TOP2B: variants seen among roughly 807,000 people sequenced by gnomAD.
The protein encoded by TOP2B is DNA topoisomerase 2-beta.
A neutral mutation model predicts 193.5 loss-of-function variants in TOP2B; 51 were observed. The ratio of observed to expected loss-of-function variants is 0.26; its 90% CI spans 0.21 to 0.33. The LOEUF (loss-of-function observed/expected upper bound fraction) is 0.33. Ranked by LOEUF, TOP2B falls within the 10% of genes least tolerant of loss-of-function variation. The pLI is 1.00. For synonymous variants in TOP2B, 634 were observed against 635.7 expected (o/e 1.00, Z 0.04); for missense variants, 1,378 against 1,909.3 (o/e 0.72, Z 5.19).
Position 25,599,474 on chromosome 3 carries a change from A to G in TOP2B, c.4671T>C (p.Asp1557=). The G allele has an allele frequency of 1.9e-6, 3 of 1,613,648 alleles. No homozygotes were observed. Among genetic ancestry groups the G allele is most frequent in the Non-Finnish European group, 1.7e-6 (2 of 1,179,680 alleles). ...TGGATGTTTTCCTGCCAGGGTTATAATCGCCTTCATTTTCAGAGCCAGATG... is the reference window on the plus strand; with the variant it reads ...TGGATGTTTTCCTGCCAGGGTTATAGTCGCCTTCATTTTCAGAGCCAGATG... ...RKASGSENEG[D]YNPGRKTSKT... Residue 1557 remains aspartate, a synonymous_variant, in exon 35 of 36, where the codon GAT becomes GAC. Transcript: ENST00000264331.
intron 18 of TOP2B, chr3:25,625,026 A>G (rs1702757070): frequency 2.8e-6 from 1 of 352,340 alleles, no homozygotes. Flanking sequence ...TGCCATCTCC[A>G]TCTACTCCAA....
At chr3:25,638,100 A>C (rs1197610917) in intron 5 of TOP2B, 65 bp downstream of exon 5, 1 of 1,391,120 alleles carries the variant, frequency 7.2e-7, no homozygotes. Flanking sequence ...CAATTTCCTT[A>C]GTAAGTTATA....
At chr3:25,639,354 G>A (rs1703194530) in intron 4 of TOP2B, among the ~76,000 whole-genome samples, 1 of 151,002 alleles carries the variant, frequency 6.6e-6, no homozygotes, top group South Asian at 2.1e-4. Context: ...TGTCATCCAG[G>A]CTGGAGTGCA....
intron 5 of TOP2B, 31 bp from the exon 6 acceptor site, chr3:25,637,343 G>A: frequency 6.7e-7 from 1 of 1,488,978 alleles, no homozygotes; most frequent in Non-Finnish European, 9.1e-7. Flanking sequence ...AAAAGGTTTA[G>A]TAAAAATGAT....
intron 2 of TOP2B, 33 bp downstream of exon 2, chr3:25,645,267 C>T (rs1406895157): frequency 2.0e-6 from 3 of 1,477,914 alleles, no homozygotes; most frequent in Non-Finnish European, 2.7e-6. Flanking sequence ...AGATGCACAT[C>T]TCCTAATTTC....
chr3:25,619,796 C>G, intron 23 of TOP2B, 66 bp downstream of exon 23: 1 of 1,221,776 alleles, frequency 8.2e-7, no homozygotes, highest in Non-Finnish European at 1.2e-6. Flanking sequence ...ATCATGAAAC[C>G]AATTATAATA....
At chr3:25,621,990 G>GAA (rs972338183) in intron 21 of TOP2B, among the ~76,000 whole-genome samples, 1 of 132,692 alleles carries the variant, frequency 7.5e-6, no homozygotes, top group African/African-American at 2.8e-5. Flanking sequence ...CTCTGTCTCA[G>GAA]AAAAAAAAAA....
At chr3:25,614,634 T>G (rs1053496560) in intron 27 of TOP2B, among the ~76,000 whole-genome samples, 5 of 151,784 alleles carry the variant, frequency 3.3e-5, no homozygotes, top group Middle Eastern at 3.2e-3. Flanking sequence ...AAAAAAAAAG[T>G]AGTATGAGTA....
At chr3:25,625,341 C>T (rs115130007) in intron 18 of TOP2B, among the ~76,000 whole-genome samples, 75 of 152,270 alleles carry the variant, frequency 4.9e-4, no homozygotes, top group Middle Eastern at 3.4e-3. Flanking sequence ...AAGTCTATGT[C>T]CTCATCCAAG....
chr3:25,607,145 C>A (rs1225074953), intron 31 of TOP2B, 26 bp downstream of exon 31: 1 of 1,610,028 alleles, frequency 6.2e-7, no homozygotes. Flanking sequence ...ATTAACTATA[C>A]CACATCACTA....
chr3:25,638,189 C>T lies in TOP2B; in HGVS notation c.517G>A (p.Asp173Asn), dbSNP rs760612076. ...FGQLLTSSNY[D>N]DDEKKVTGGR... is the part of the protein sequence containing the mutation. ...CCTGTAACTTTTTTCTCATCATCAT[C>T]ATAGTTACTGGATGTTAAAAGCTGT... The change falls in exon 5 of 36, where the codon GAT (aspartate) becomes AAT (asparagine). Residue 173 changes from aspartate (D) to asparagine (N), a missense_variant. Transcript: ENST00000264331. The T allele has an allele frequency of 5.1e-6, 8 of 1,568,270 alleles. No individual in the cohort carries two copies. The Admixed American group carries it at 5.6e-5, about 11-fold the overall frequency.
chr3:25,609,277 A>T lies in TOP2B; in HGVS notation c.3999T>A (p.Asn1333Lys). The change falls in exon 30 of 36, where the codon AAT becomes AAA. Residue 1333 changes from asparagine (N) to lysine (K), a missense_variant. By Grantham distance (94) the Asn-to-Lys change is moderately conservative. Around this residue, in one of 9 missense-constraint regions of TOP2B, gnomAD observed 556 missense variants for 584.2 expected, o/e 0.95. Transcript: ENST00000264331. ...ACTTGGATTCATCATCTGACCAAGG[A>T]TTCCGTTTCTTCACTTTCTTTGCAC... ...KPSAKKVKKR[N>K]PWSDDESKSE... is the part of the protein sequence containing the mutation. 1 of 1,602,606 alleles carries T rather than the reference A, an allele frequency of 6.2e-7. No homozygotes were observed. The highest frequency in any genetic ancestry group is 2.2e-5 in the East Asian group (1 of 44,626).
At chr3:25,637,900 A>T (rs1703148319) in intron 5 of TOP2B, among the ~76,000 whole-genome samples, 1 of 152,018 alleles carries the variant, frequency 6.6e-6, no homozygotes, top group South Asian at 2.1e-4. Context: ...TAGACATCAT[A>T]CCAGTCCTAT....
At chr3:25,628,794 A>G (rs540894423) in intron 15 of TOP2B, 53 bp downstream of exon 15, 4 of 1,102,950 alleles carry the variant, frequency 3.6e-6, no homozygotes, top group East Asian at 2.7e-5. Context: ...GATTGCTTTC[A>G]TAAGAATACA....
intron 19 of TOP2B, 30 bp downstream of exon 19, chr3:25,624,652 T>C (rs1398480910): frequency 1.2e-6 from 2 of 1,609,718 alleles, no homozygotes; most frequent in Non-Finnish European, 1.7e-6. Context: ...ATAATTACAG[T>C]TCTCAATTGA....
chr3:25,630,788 A>T lies in TOP2B; in HGVS notation c.1405+13T>A. On this transcript the variant is annotated intron_variant, in intron 11 of 35. Transcript: ENST00000264331. The stretch of plus-strand genomic sequence containing the variant: ...ACTTAAATCAAAATCTTATTTAAAA[A>T]TATCAATCTTACCAGCATCATTAGC... 1 of 1,523,700 alleles carries T rather than the reference A, an allele frequency of 6.6e-7. No homozygotes were observed. Among genetic ancestry groups the T allele is most frequent in the Non-Finnish European group, 8.7e-7 (1 of 1,143,686 alleles). The allele number at this position is 1,523,700 out of a possible 1,614,324, so 94.4% of individuals were successfully genotyped here. A position where few individuals can be genotyped will look rare whatever the true frequency, so the allele number is the denominator to read the frequency against.
intron 1 of TOP2B, among the ~76,000 whole-genome samples, chr3:25,647,188 T>C (rs1703435399): frequency 6.6e-6 from 1 of 152,226 alleles, no homozygotes; most frequent in African/African-American, 2.4e-5. Context: ...TTGCTTTTTA[T>C]GAAGAAATAG....
chr3:25,618,946 A>G, intron 23 of TOP2B, 97 bp from the exon 24 acceptor site: 1 of 900,990 alleles, frequency 1.1e-6, no homozygotes, highest in Non-Finnish European at 1.6e-6. Flanking sequence ...ATAATATATA[A>G]CCATAATGCA....
In TOP2B at chr3:25,633,903, G is replaced by C. The variant is rs1442518869; in HGVS notation, c.964C>G (p.Leu322Val). 1 of 1,613,168 alleles carries C rather than the reference G, an allele frequency of 6.2e-7. No individual in the cohort carries two copies. The highest frequency in any genetic ancestry group is 2.2e-5 in the East Asian group (1 of 44,812). ...TGGAATCCTTTTTCACTCAATGTGA[G>C]ACAAACATCCCATCTTTCATTTGCA... ...ELANERWDVC[L>V]TLSEKGFQQI... The change falls in exon 8 of 36, where the codon CTC becomes GTC. Residue 322 changes from leucine to valine, a missense_variant. Coordinates refer to ENST00000264331, the MANE Select transcript of TOP2B (RefSeq NM_001330700.2).
Sources: allele counts gnomAD v4.1 joint callset (sites outside exome capture counted in the v4.1 genomes callset), GRCh38; gene constraint gnomAD v4.1.1; regional missense constraint gnomAD v4.1.1; transcripts MANE v1.5; gene names NCBI Gene and HGNC (gene_info 2026-07-23, HGNC 2026-07-21).